The following TECPR2 variants were observed in gnomAD, a reference collection of about 807,000 sequenced individuals.
TECPR2 encodes tectonin beta-propeller repeat-containing protein 2.
TECPR2 carries 65 observed loss-of-function variants against 138.1 expected under a neutral mutation model. The observed-to-expected ratio is 0.47, with a 90% confidence interval of 0.39 to 0.58. The LOEUF is 0.58. TECPR2 is among the 20% of genes least tolerant of loss of function. The pLI, the probability that TECPR2 is intolerant of heterozygous loss-of-function variation, is 0.00. For synonymous variants in TECPR2, 746 were observed against 749.8 expected (o/e 0.99, Z 0.08); for missense variants, 1,553 against 1,824.5 (o/e 0.85, Z 2.71).
At chr14:102,445,757 G>T (rs111986182) in intron 12 of TECPR2, 49 bp from the exon 13 acceptor site, 1 of 1,581,892 alleles carries the variant, frequency 6.3e-7, no homozygotes, top group African/African-American at 1.3e-5. Flanking sequence ...GACACACTGG[G>T]CACTCTGCCT....
intron 10 of TECPR2, chr14:102,438,436 GTT>G: frequency 2.0e-6 from 1 of 503,912 alleles, no homozygotes; most frequent in Non-Finnish European, 3.4e-6. Flanking sequence ...TTCAGTTTGA[GTT>G]TTTGTTTTCT....
intron 4 of TECPR2, among the ~76,000 whole-genome samples, chr14:102,409,897 C>A (rs575422048): frequency 6.6e-6 from 1 of 152,102 alleles, no homozygotes; most frequent in African/African-American, 2.4e-5. Flanking sequence ...CTCCGCCTCC[C>A]GGGTTCAAGG....
At chr14:102,495,347 C>T (rs570351026) in intron 17 of TECPR2, among the ~76,000 whole-genome samples, 15 of 152,328 alleles carry the variant, frequency 9.8e-5, no homozygotes, top group Admixed American at 7.8e-4. Context: ...GATTTCTATT[C>T]ACCACCTTCC....
intron 1 of TECPR2, among the ~76,000 whole-genome samples, chr14:102,365,674 CTG>C (rs1887328630): frequency 6.6e-6 from 1 of 152,178 alleles, no homozygotes; most frequent in African/African-American, 2.4e-5. Context: ...AATAGGCGAA[CTG>C]TAGACAGAGA....
At chr14:102,451,630 T>G (rs978733585) in intron 15 of TECPR2, among the ~76,000 whole-genome samples, 14 of 152,164 alleles carry the variant, frequency 9.2e-5, no homozygotes, top group African/African-American at 3.4e-4. Context: ...CCTCCGTGGT[T>G]GTTTTGTAAA....
Position 102,424,959 on chromosome 14 carries a change from T to C in TECPR2, c.639-20T>C. ...GTCCATGTCTGTTTTTTGTTCTTTC[T>C]TTCTTTCTTCTAATTTTAGTACTGG... On this transcript the variant is annotated intron_variant, in intron 5 of 19. Transcript: ENST00000359520. The C allele has an allele frequency of 6.3e-7, 1 of 1,591,840 alleles. No individual in the cohort carries two copies. The highest frequency in any genetic ancestry group is 1.8e-5 in the Admixed American group (1 of 56,698).
In TECPR2 at chr14:102,449,682, A is replaced by C. The variant is rs754964073; in HGVS notation, c.3129A>C (p.Ile1043=). 3.1e-6 allele frequency: 5 copies of C among 1,614,038 alleles called. No homozygotes were observed. The part of the protein sequence containing the change: ...VFDQCSLFQT[I]IHATHSVATA... Reference sequence around the variant, plus strand: ...ACCAGTGCAGCTTATTTCAGACGATAATCCATGCCACTCACTCGGTGGCCA... The same window carrying C: ...ACCAGTGCAGCTTATTTCAGACGATCATCCATGCCACTCACTCGGTGGCCA... The change falls in exon 14 of 20, where the codon ATA becomes ATC. Residue 1043 remains isoleucine (I), a synonymous_variant. Transcript: ENST00000359520.
chr14:102,452,971 C>T (rs1235958269), intron 16 of TECPR2, among the ~76,000 whole-genome samples: 1 of 152,166 alleles, frequency 6.6e-6, no homozygotes, highest in Non-Finnish European at 1.5e-5. Flanking sequence ...GCTTTATGAC[C>T]TGAAAAGCTG....
intron 1 of TECPR2, among the ~76,000 whole-genome samples, chr14:102,369,315 G>T (rs544366479): frequency 8.0e-4 from 122 of 152,208 alleles, no homozygotes; most frequent in Non-Finnish European, 1.4e-3. Flanking sequence ...TCAAGCGGAT[G>T]GATTCTTGAA....
intron 4 of TECPR2, among the ~76,000 whole-genome samples, chr14:102,411,996 A>G (rs1595110565): frequency 6.6e-6 from 1 of 152,124 alleles, no homozygotes; most frequent in African/African-American, 2.4e-5. Context: ...CTGAAACCAC[A>G]TGGATGAATT....
rs565236204 is a variant in TECPR2 at position 102,428,222 on chromosome 14, GTT to G, written c.952-7_952-6del. 39,640 of 1,028,134 alleles carry G rather than the reference GTT, an allele frequency of 0.039. No homozygotes were observed. Among genetic ancestry groups the G allele is most frequent in the East Asian group, 0.06 (1,517 of 25,300 alleles). The allele number at this position is 1,028,134 out of a possible 1,614,324, so 63.7% of individuals were successfully genotyped here. ...ACCGTTGTTTAGTTTTGTGTTTTTTGTTTTTTTTTTTTTTTTTTTTTTGACAG... is the reference window on the plus strand; with the variant it reads ...ACCGTTGTTTAGTTTTGTGTTTTTTGTTTTTTTTTTTTTTTTTTTTGACAG... On this transcript the variant is annotated intron_variant, in intron 6 of 19. Coordinates refer to ENST00000359520, the MANE Select transcript of TECPR2 (RefSeq NM_014844.5).
At position 102,404,863 on chromosome 14, in the gene TECPR2, C is replaced by T. The variant is rs982193547; in HGVS notation, c.220-2475C>T. Among the ~76,000 whole-genome samples, 49 of 151,936 alleles carry T rather than the reference C, an allele frequency of 3.2e-4. 1 individual carries two copies. Among genetic ancestry groups the T allele is most frequent in the African/African-American group, 1.1e-3 (46 of 41,442 alleles). ...TGCTGGGATTACAGGTGTGAGCCACCGTACCTGGCCCAGTCAAGTGATTTT... is the reference window on the plus strand; with the variant it reads ...TGCTGGGATTACAGGTGTGAGCCACTGTACCTGGCCCAGTCAAGTGATTTT... On this transcript the variant is annotated intron_variant, in intron 2 of 19. Coordinates refer to ENST00000359520, the MANE Select transcript of TECPR2 (RefSeq NM_014844.5).
chr14:102,460,626 T>G (rs1341691725), intron 16 of TECPR2, among the ~76,000 whole-genome samples: 1 of 151,066 alleles, frequency 6.6e-6, no homozygotes, highest in Non-Finnish European at 1.5e-5. Context: ...AAAAAAAAAA[T>G]TAAATTTTAA....
At position 102,431,792 on chromosome 14, in the gene TECPR2, T is replaced by G. The variant is rs1363586320; in HGVS notation, c.1085-4T>G. ...AGTGGTAAAACCAGACTCTTCTTTCTTAGTGAGAGATGGTCTGGAGATGTC... is the reference window on the plus strand; with the variant it reads ...AGTGGTAAAACCAGACTCTTCTTTCGTAGTGAGAGATGGTCTGGAGATGTC... On this transcript the variant is annotated splice_region_variant and splice_polypyrimidine_tract_variant and intron_variant, in intron 7 of 19. Coordinates refer to ENST00000359520, the MANE Select transcript of TECPR2 (RefSeq NM_014844.5). 2 of 1,543,504 alleles carry G rather than the reference T, an allele frequency of 1.3e-6. No homozygotes were observed. Among genetic ancestry groups the G allele is most frequent in the Non-Finnish European group, 1.8e-6 (2 of 1,140,874 alleles).
rs368211822 is a variant in TECPR2 at position 102,445,767 on chromosome 14, T to C, written c.2934-39T>C. 1.6e-5 allele frequency: 25 copies of C among 1,602,802 alleles called. No homozygotes were observed. The African/African-American group carries it at 2.7e-4, about 17-fold the overall frequency. ...GTCCAGACACACTGGGCACTCTGCC[T>C]ATGGGTGCTGACCCCCCTGTTCTCC... On this transcript the variant is annotated intron_variant, in intron 12 of 19. Coordinates refer to ENST00000359520, the MANE Select transcript of TECPR2 (RefSeq NM_014844.5).
intron 6 of TECPR2, among the ~76,000 whole-genome samples, chr14:102,426,172 C>T (rs1358426079): frequency 2.0e-5 from 3 of 151,952 alleles, no homozygotes; most frequent in Admixed American, 6.6e-5. Context: ...AGGCGTGAAC[C>T]GCCGCGCCCG....
At chr14:102,373,221 A>G (rs914720312) in intron 1 of TECPR2, among the ~76,000 whole-genome samples, 2 of 151,918 alleles carry the variant, frequency 1.3e-5, no homozygotes, top group African/African-American at 4.8e-5. Context: ...TGAGGATTTA[A>G]TGGGTTTGTG....
chr14:102,374,817 C>T (rs1887601295), intron 1 of TECPR2, among the ~76,000 whole-genome samples: 1 of 152,196 alleles, frequency 6.6e-6, no homozygotes, highest in African/African-American at 2.4e-5. Flanking sequence ...AGGCATAAGC[C>T]ACTGTTCCTG....
intron 4 of TECPR2, among the ~76,000 whole-genome samples, chr14:102,411,254 G>A (rs1406276120): frequency 1.3e-5 from 2 of 152,328 alleles, no homozygotes; most frequent in Non-Finnish European, 2.9e-5. Flanking sequence ...ACACCATTTT[G>A]TTTTATTTTT....
Sources: allele counts gnomAD v4.1 joint callset (sites outside exome capture counted in the v4.1 genomes callset), GRCh38; gene constraint gnomAD v4.1.1; transcripts MANE v1.5; gene names NCBI Gene and HGNC (gene_info 2026-07-23, HGNC 2026-07-21).